Variants in ZNF226 observed in about 807,000 individuals in gnomAD.
ZNF226 encodes zinc finger protein 226.
ZNF226 carries 6 observed loss-of-function variants against 11.4 expected under a neutral mutation model. The observed-to-expected ratio is 0.53, with a 90% CI of 0.29 to 1.04. The LOEUF (loss-of-function observed/expected upper bound fraction) is 1.04. Ranked by LOEUF, ZNF226 falls within the 50% of genes least tolerant of loss-of-function variation. The probability of loss-of-function intolerance (pLI) is 0.08; values close to 1 mark genes in which losing one functional copy is unlikely to be tolerated. For missense variants in ZNF226, 1,058 were observed against 956.5 expected (o/e 1.11, Z -1.40); for synonymous variants, 350 against 322.8 (o/e 1.08, Z -0.90).
downstream of ZNF226, among the ~76,000 whole-genome samples, chr19:44,180,367 T>G (rs1382878175): frequency 1.3e-5 from 2 of 152,202 alleles, no homozygotes; most frequent in African/African-American, 4.8e-5. Flanking sequence ...TTCCACAATT[T>G]TCTCTATTTG....
At chr19:44,195,737 C>G in the ZNF226 span, among the ~76,000 whole-genome samples, 1 of 152,150 alleles carries the variant, frequency 6.6e-6, no homozygotes, top group Non-Finnish European at 1.5e-5. Flanking sequence ...GTGATCGTTC[C>G]TCTTATCAGG....
downstream of ZNF226, among the ~76,000 whole-genome samples, chr19:44,179,161 T>C (rs1018316111): frequency 1.3e-5 from 2 of 152,044 alleles, no homozygotes; most frequent in African/African-American, 2.4e-5. Flanking sequence ...GCCTGGGCGA[T>C]AGAGTGAGAC....
intron 2 of ZNF226, among the ~76,000 whole-genome samples, chr19:44,168,355 ATTAG>A (rs746418346): frequency 5.3e-4 from 80 of 152,294 alleles, no homozygotes; most frequent in East Asian, 9.6e-4. Context: ...TGAAAATGAA[ATTAG>A]TTACATTGAT....
chr19:44,175,732 A>C lies in ZNF226; in HGVS notation c.470A>C (p.Asn157Thr), dbSNP rs769401601. ...NYIVNKADGPNNTGNPEFPIL... is the reference protein window; with the variant it reads ...NYIVNKADGPTNTGNPEFPIL... Reference sequence around the variant, plus strand: ...ATAGTAAATAAAGCAGATGGTCCCAATAATACTGGGAATCCAGAGTTTCCT... The same window carrying C: ...ATAGTAAATAAAGCAGATGGTCCCACTAATACTGGGAATCCAGAGTTTCCT... The change falls in exon 6 of 6, where the codon AAT becomes ACT. Residue 157 changes from asparagine (N) to threonine (T), a missense_variant. By Grantham distance (65) the Asn-to-Thr change is moderately conservative. Coordinates refer to ENST00000337433, the MANE Select transcript of ZNF226 (RefSeq NM_001032373.2). 6.2e-6 allele frequency: 10 copies of C among 1,612,724 alleles called. No homozygotes were observed. Among genetic ancestry groups the C allele is most frequent in the Non-Finnish European group, 8.5e-6 (10 of 1,179,488 alleles).
intron 2 of ZNF226, among the ~76,000 whole-genome samples, chr19:44,167,301 C>G (rs950107596): frequency 6.8e-6 from 1 of 146,960 alleles, no homozygotes; most frequent in Non-Finnish European, 1.5e-5. Context: ...AATGACTTTC[C>G]TAATTTCTTT....
intron 5 of ZNF226, chr19:44,174,861 C>G: frequency 1.1e-6 from 1 of 906,710 alleles, no homozygotes; most frequent in Admixed American, 2.7e-5. Context: ...TTCCTTTCAC[C>G]CCAAGTGATT....
At chr19:44,175,192 T>C in intron 5 of ZNF226, 1 of 1,429,602 alleles carries the variant, frequency 7.0e-7, no homozygotes, top group Non-Finnish European at 9.1e-7. Flanking sequence ...CAAAATGTTT[T>C]TCCTTATTGA....
chr19:44,182,623 G>T (rs998244354), downstream of ZNF226, among the ~76,000 whole-genome samples: 1 of 152,112 alleles, frequency 6.6e-6, no homozygotes, highest in African/African-American at 2.4e-5. Flanking sequence ...TGGCAGTTTG[G>T]GAGAGCTCTG....
At chr19:44,192,809 A>T in the ZNF226 span, among the ~76,000 whole-genome samples, 1 of 152,130 alleles carries the variant, frequency 6.6e-6, no homozygotes, top group South Asian at 2.1e-4. Context: ...CCTCTTGCAG[A>T]TTTTTTTTAA....
chr19:44,166,142 A>G (rs1249724794), intron 2 of ZNF226, among the ~76,000 whole-genome samples: 1 of 152,244 alleles, frequency 6.6e-6, no homozygotes, highest in Non-Finnish European at 1.5e-5. Context: ...GGCTAGTATC[A>G]TGTGAAAATA....
chr19:44,190,999 A>G, the ZNF226 span, among the ~76,000 whole-genome samples: 1 of 152,238 alleles, frequency 6.6e-6, no homozygotes, highest in Non-Finnish European at 1.5e-5. Flanking sequence ...TTTCAGTAAA[A>G]AACCAACAAT....
chr19:44,177,081 A>G lies in ZNF226; in HGVS notation c.1819A>G (p.Arg607Gly), dbSNP rs376102633. The G allele has an allele frequency of 2.0e-4, 316 of 1,612,254 alleles. 1 individual carries two copies. Among genetic ancestry groups the G allele is most frequent in the Middle Eastern group, 1.5e-3 (9 of 6,070 alleles). The stretch of plus-strand genomic sequence containing the variant: ...TAGAGCAGATCTTAAAATTCACTGT[A>G]GGATCCACACAGGAGAGAAACCATA... Reference protein sequence around the residue: ...SRRADLKIHCRIHTGEKPYNC... With the variant: ...SRRADLKIHCGIHTGEKPYNC... The change falls in exon 6 of 6, where the codon AGG (arginine) becomes GGG (glycine). Residue 607 changes from arginine (R) to glycine (G), a missense_variant. Coordinates refer to ENST00000337433, the MANE Select transcript of ZNF226 (RefSeq NM_001032373.2).
chr19:44,172,221 A>T lies in ZNF226; in HGVS notation c.142+7A>T. ...AGGAACCTGCTGTCAGTGGGTGAGG[A>T]CAGCCTCCCTCTGGAATATCTTTGT... On this transcript the variant is annotated splice_region_variant and intron_variant, in intron 4 of 5. Coordinates refer to ENST00000337433, the MANE Select transcript of ZNF226 (RefSeq NM_001032373.2). 6.2e-7 allele frequency: 1 copy of T among 1,609,404 alleles called. No homozygotes were observed. Among genetic ancestry groups the T allele is most frequent in the Non-Finnish European group, 8.5e-7 (1 of 1,177,148 alleles).
the ZNF226 span, among the ~76,000 whole-genome samples, chr19:44,190,150 C>T: frequency 1.3e-5 from 2 of 152,070 alleles, no homozygotes; most frequent in Admixed American, 6.5e-5. Context: ...ATCCTAATTT[C>T]TACCAAAGAT....
At position 44,167,453 on chromosome 19, in the gene ZNF226, A is replaced by T. The variant is rs151108698; in HGVS notation, c.-47+1646A>T. Among the ~76,000 whole-genome samples the T allele has an allele frequency of 7.6e-3, 1,141 of 150,054 alleles. 20 individuals are homozygous for T. Among genetic ancestry groups the T allele is most frequent in the African/African-American group, 0.026 (1,069 of 40,782 alleles). The stretch of plus-strand genomic sequence containing the variant: ...CCTGCCTCAACCTCCCAAACATCTG[A>T]GATTACAGGCACCCGCCACCACACC... On this transcript the variant is annotated intron_variant, in intron 2 of 5. Transcript: ENST00000337433.
At chr19:44,195,623 G>C in the ZNF226 span, among the ~76,000 whole-genome samples, 4 of 152,212 alleles carry the variant, frequency 2.6e-5, no homozygotes, top group African/African-American at 9.6e-5. Context: ...AGTAGTTCAA[G>C]GTTGGACAGC....
the ZNF226 span, among the ~76,000 whole-genome samples, chr19:44,191,170 CT>C: frequency 6.6e-6 from 1 of 152,136 alleles, no homozygotes; most frequent in Non-Finnish European, 1.5e-5. Context: ...TTATTAGAAA[CT>C]TGTATTTAAG....
the ZNF226 span, among the ~76,000 whole-genome samples, chr19:44,194,498 G>A: frequency 9.2e-5 from 14 of 152,248 alleles, no homozygotes; most frequent in Admixed American, 2.0e-4. Flanking sequence ...AGGCTGGTTT[G>A]GAAGTCCTGG....
the ZNF226 span, among the ~76,000 whole-genome samples, chr19:44,183,719 A>T: frequency 6.6e-6 from 1 of 152,238 alleles, no homozygotes; most frequent in Admixed American, 6.5e-5. Flanking sequence ...TTGAAATTTA[A>T]TTAGAAATTG....
Sources: allele counts gnomAD v4.1 joint callset (sites outside exome capture counted in the v4.1 genomes callset), GRCh38; gene constraint gnomAD v4.1.1; transcripts MANE v1.5; gene names NCBI Gene and HGNC (gene_info 2026-07-23, HGNC 2026-07-21).